Variants in UBR4 observed in about 807,000 individuals in gnomAD.
UBR4 encodes ubiquitin protein ligase E3 component n-recognin 4.
Under a neutral mutation model 575.6 loss-of-function variants are expected in UBR4, and 124 were observed. That is an observed-to-expected ratio of 0.22 (90% CI 0.19 to 0.25). UBR4 has a LOEUF of 0.25. Among genes scored for constraint, UBR4 ranks in the 10% least tolerant of loss-of-function variants. The pLI is 1.00. For missense variants in UBR4, 4,818 were observed against 6,478.8 expected (o/e 0.74, Z 8.80); for synonymous variants, 2,455 against 2,473.7 (o/e 0.99, Z 0.22).
At chr1:19,188,030 T>A (rs200510688) in intron 11 of UBR4, among the ~76,000 whole-genome samples, 2 of 140,928 alleles carry the variant, frequency 1.4e-5, no homozygotes, top group African/African-American at 2.6e-5. Context: ...AAACAAAAAA[T>A]TAAATAAATA....
Position 19,155,051 on chromosome 1 carries a change from C to T in UBR4, c.6325G>A (p.Gly2109Ser), listed in dbSNP as rs144709443. The change falls in exon 44 of 106, where the codon GGT becomes AGT. Residue 2109 changes from glycine (G) to serine (S), a missense_variant. By Grantham distance (56) the Gly-to-Ser change is moderately conservative. Around this residue, in one of 29 missense-constraint regions of UBR4, gnomAD observed 461 missense variants for 606.9 expected, o/e 0.76. Coordinates refer to ENST00000375254, the MANE Select transcript of UBR4 (RefSeq NM_020765.3). ...TGGGAGTAGTACACGGACACACCACCGCCCGCCACCTGGCTGTTACTGTCC... is the reference window on the plus strand; with the variant it reads ...TGGGAGTAGTACACGGACACACCACTGCCCGCCACCTGGCTGTTACTGTCC... Reference protein sequence around the residue: ...LKDSNSQVAGGGVSVYYSHVL... With the variant: ...LKDSNSQVAGSGVSVYYSHVL... 2.0e-5 allele frequency: 32 copies of T among 1,614,010 alleles called. No individual in the cohort carries two copies. The highest frequency in any genetic ancestry group is 2.7e-5 in the African/African-American group (2 of 75,040).
chr1:19,092,396 GGTT>G (rs2077609811), intron 97 of UBR4, among the ~76,000 whole-genome samples: 1 of 152,182 alleles, frequency 6.6e-6, no homozygotes, highest in Non-Finnish European at 1.5e-5. Flanking sequence ...ATTTGTGAGG[GGTT>G]AACGCTCAGC....
Position 19,121,192 on chromosome 1 carries a change from C to T in UBR4, c.10138G>A (p.Asp3380Asn), listed in dbSNP as rs1280885394. 6 of 1,613,702 alleles carry T rather than the reference C, an allele frequency of 3.7e-6. No individual in the cohort carries two copies. The highest frequency in any genetic ancestry group is 1.7e-5 in the Admixed American group (1 of 59,980). The change falls in exon 68 of 106, where the codon GAT (aspartate) becomes AAT (asparagine). Residue 3380 changes from aspartate to asparagine, a missense_variant. Coordinates refer to ENST00000375254, the MANE Select transcript of UBR4 (RefSeq NM_020765.3). ...ATGACAAGAGGGTGACCCTTACCATCTTTCTCCTTTTCTTTTTCTTCTTTC... is the reference window on the plus strand; with the variant it reads ...ATGACAAGAGGGTGACCCTTACCATTTTTCTCCTTTTCTTTTTCTTCTTTC... ...SKKEEKEKEK[D>N]GETSGSQEDQ...
chr1:19,176,805 C>A, intron 19 of UBR4, 78 bp from the exon 20 acceptor site: 1 of 1,482,986 alleles, frequency 6.7e-7, no homozygotes, highest in Non-Finnish European at 9.2e-7. Context: ...GATAATAGCT[C>A]GGTACACTGA....
At chr1:19,102,765 C>G (rs1376544660) in intron 87 of UBR4, among the ~76,000 whole-genome samples, 1 of 152,120 alleles carries the variant, frequency 6.6e-6, no homozygotes, top group East Asian at 1.9e-4. Flanking sequence ...TAGCAGGAAC[C>G]CCCAACCCCA....
rs540824424 is a variant in UBR4, at chr1:19,209,725, G to T, written c.176+348C>A. Among the ~76,000 whole-genome samples the T allele has an allele frequency of 1.3e-5, 2 of 152,308 alleles. 1 individual carries two copies. The highest frequency in any genetic ancestry group is 3.9e-4 in the East Asian group (2 of 5,170). On this transcript the variant is annotated intron_variant, in intron 1 of 105. Coordinates refer to ENST00000375254, the MANE Select transcript of UBR4 (RefSeq NM_020765.3). ...CGGCCCAGGCTAGGAGGATGAGTGC[G>T]GGCGAGAAATGCAAACTCATCTGTG...
At chr1:19,103,160 TATC>T (rs1227001839) in intron 87 of UBR4, among the ~76,000 whole-genome samples, 1 of 152,280 alleles carries the variant, frequency 6.6e-6, no homozygotes, top group African/African-American at 2.4e-5. Context: ...GACTTTAAGG[TATC>T]ATCAGCAAGA....
chr1:19,139,050 C>G lies in UBR4; in HGVS notation c.8731+33G>C, dbSNP rs1248139634. 6.3e-7 allele frequency: 1 copy of G among 1,583,350 alleles called. No individual in the cohort carries two copies. Among genetic ancestry groups the G allele is most frequent in the Non-Finnish European group, 8.6e-7 (1 of 1,161,710 alleles). On this transcript the variant is annotated intron_variant, in intron 59 of 105. Coordinates refer to ENST00000375254, the MANE Select transcript of UBR4 (RefSeq NM_020765.3). This position sits in a 1 kb window ranked among gnomAD's most constrained non-coding sequence, Gnocchi z 4.2. ...TCCTGTTTTGTCCCCACCCTCTGCC[C>G]AAGGAGACAGGACCCCCGCCATGGC...
chr1:19,190,667 T>A (rs956548052), intron 11 of UBR4, among the ~76,000 whole-genome samples: 6 of 152,130 alleles, frequency 3.9e-5, no homozygotes, highest in African/African-American at 1.4e-4. Context: ...AAAATTGTGA[T>A]GTCATCTTTT....
At chr1:19,075,005 T>G in intron 105 of UBR4, 109 bp from the exon 106 acceptor site, 1 of 1,188,354 alleles carries the variant, frequency 8.4e-7, no homozygotes. Flanking sequence ...TCCGACAAGC[T>G]CTGGCCCGGC....
chr1:19,086,679 C>G lies in UBR4; in HGVS notation c.14687G>C (p.Arg4896Thr). Residue 4896 changes from arginine to threonine, a missense_variant and splice_region_variant, in exon 100 of 106, where the codon AGG becomes ACG. Coordinates refer to ENST00000375254, the MANE Select transcript of UBR4 (RefSeq NM_020765.3). ...VHYDCHLAAV[R>T]LARGREEWES... Reference sequence around the variant, plus strand: ...CCATTCCGCAAGAGCCAGGGCCTACCTGACGGCAGCCAGATGGCAGTCGTA... The same window carrying G: ...CCATTCCGCAAGAGCCAGGGCCTACGTGACGGCAGCCAGATGGCAGTCGTA... The G allele has an allele frequency of 6.2e-7, 1 of 1,613,954 alleles. No homozygotes were observed. The highest frequency in any genetic ancestry group is 8.5e-7 in the Non-Finnish European group (1 of 1,179,954).
In UBR4 at chr1:19,164,835, A is replaced by G. The variant is rs2088047854; in HGVS notation, c.4475T>C (p.Leu1492Pro). The G allele has an allele frequency of 1.2e-6, 2 of 1,614,242 alleles. No individual in the cohort carries two copies. The highest frequency in any genetic ancestry group is 1.7e-6 in the Non-Finnish European group (2 of 1,180,034). ...LDVIQENRQL[L>P]QLLTTYIVRE... ...AACAATGTATGTGGTCAGTAACTGC[A>G]GCAGCTGCCGGTTCTCCTGAATTAC... Residue 1492 changes from leucine (L) to proline (P), a missense_variant, in exon 32 of 106, where the codon CTG becomes CCG. This residue lies in a region of UBR4 where 1,172 missense variants were observed against 1,259.7 expected (regional missense o/e 0.93). Coordinates refer to ENST00000375254, the MANE Select transcript of UBR4 (RefSeq NM_020765.3).
chr1:19,128,117 A>C, intron 62 of UBR4, 94 bp downstream of exon 62: 1 of 1,225,086 alleles, frequency 8.2e-7, no homozygotes, highest in Non-Finnish European at 1.2e-6. Flanking sequence ...TTACCCCTTG[A>C]AACGAGGTGA....
chr1:19,197,635 A>T lies in UBR4; in HGVS notation c.893+35T>A, dbSNP rs761389815. 2.5e-6 allele frequency: 4 copies of T among 1,609,710 alleles called. No homozygotes were observed. In the South Asian group the frequency reaches 4.4e-5, roughly 18 times the overall value. On this transcript the variant is annotated intron_variant, in intron 7 of 105. Coordinates refer to ENST00000375254, the MANE Select transcript of UBR4 (RefSeq NM_020765.3). ...GAACAAGACCCTGTCCCAAAAACAA[A>T]AAAAGTAAAGCATGTGCACTGTGAA...
rs774407201 is a variant in UBR4 at position 19,100,358 on chromosome 1, C to T, written c.13221+18G>A. ...CCCCTAATCGTAAACGTGGGCAGCA[C>T]TGTCCTATGGTCATTACCTCCATGC... On this transcript the variant is annotated intron_variant, in intron 89 of 105. Transcript: ENST00000375254. The surrounding 1 kb of genome is among the most constrained non-coding windows in gnomAD (Gnocchi z 4.2). 6.2e-7 allele frequency: 1 copy of T among 1,613,694 alleles called. No individual in the cohort carries two copies. The highest frequency in any genetic ancestry group is 1.1e-5 in the South Asian group (1 of 91,040).
intron 101 of UBR4, 33 bp from the exon 102 acceptor site, chr1:19,084,731 A>T (rs1354200031): frequency 6.4e-7 from 1 of 1,570,192 alleles, no homozygotes; most frequent in Non-Finnish European, 8.7e-7. Flanking sequence ...ATGAAATGGA[A>T]GTGAGTTCCT....
intron 5 of UBR4, 110 bp downstream of exon 5, chr1:19,198,431 C>T: frequency 7.1e-7 from 1 of 1,399,828 alleles, no homozygotes; most frequent in Non-Finnish European, 9.7e-7. Flanking sequence ...GTCCCACAGA[C>T]ATGTATATCA....
intron 19 of UBR4, 77 bp downstream of exon 19, chr1:19,177,384 C>T (rs1557919838): frequency 6.4e-7 from 1 of 1,554,472 alleles, no homozygotes; most frequent in Non-Finnish European, 8.7e-7. Context: ...GTCATTTGGG[C>T]TGCGGATCAT....
rs937090859 is a variant in UBR4, at chr1:19,199,590, T to C, written c.378+61A>G. On this transcript the variant is annotated intron_variant, in intron 3 of 105. Transcript: ENST00000375254. Reference sequence around the variant, plus strand: ...AAAAGTTCACTGACCTCTACTCTATTCCACTAGTCAGTCACAACACTGCTT... The same window carrying C: ...AAAAGTTCACTGACCTCTACTCTATCCCACTAGTCAGTCACAACACTGCTT... 8 of 1,486,466 alleles carry C rather than the reference T, an allele frequency of 5.4e-6. No homozygotes were observed. In the African/African-American group the frequency reaches 1.1e-4, roughly 21 times the overall value. 92.1% of individuals were successfully genotyped at this position (1,486,466 alleles called of 1,614,324 possible). A position where few individuals can be genotyped will look rare whatever the true frequency, so the allele number is the denominator to read the frequency against.
Sources: gnomAD v4.1 joint callset for allele counts (sites outside exome capture counted in the v4.1 genomes callset) on GRCh38, gnomAD v4.1.1 for gene constraint, gnomAD v4.1.1 regional missense constraint, Gnocchi (gnomAD v3.1) non-coding constraint, MANE v1.5 for transcripts, NCBI Gene and HGNC (gene_info 2026-07-23, HGNC 2026-07-21) for gene names.